Variants in PREX2 observed in about 807,000 individuals in gnomAD.
The protein encoded by PREX2 is phosphatidylinositol-3,4,5-trisphosphate dependent Rac exchange factor 2, also known as phosphatidylinositol 3,4,5-trisphosphate-dependent Rac exchanger 2 protein.
A neutral mutation model predicts 203.2 loss-of-function variants in PREX2; 107 were observed. That is an observed-to-expected ratio of 0.53 (90% CI 0.45 to 0.62). The LOEUF is 0.62. Among genes scored for constraint, PREX2 ranks in the 20% least tolerant of loss-of-function variants. PREX2 has a pLI of 0.00. For synonymous variants in PREX2, 672 were observed against 663.6 expected (o/e 1.01, Z -0.19); for missense variants, 1,777 against 1,955.9 (o/e 0.91, Z 1.72).
At position 68,044,522 on chromosome 8, in the gene PREX2, A is replaced by G. The variant is rs755646976; in HGVS notation, c.875A>G (p.His292Arg). 72 of 1,612,752 alleles carry G rather than the reference A, an allele frequency of 4.5e-5. No homozygotes were observed. The highest frequency in any genetic ancestry group is 5.9e-5 in the Non-Finnish European group (69 of 1,179,226). ...LKNSKASTDG[H>R]RYLFRGRINT... ...AACAGCAAGGCATCTACAGATGGACATCGGTACCTTTTTCGTGGCCGGATC... is the reference window on the plus strand; with the variant it reads ...AACAGCAAGGCATCTACAGATGGACGTCGGTACCTTTTTCGTGGCCGGATC... The change falls in exon 8 of 40, where the codon CAT becomes CGT. Residue 292 changes from histidine to arginine, a missense_variant. Physicochemically the swap from His to Arg is conservative, Grantham distance 29. Transcript: ENST00000288368.
At chr8:68,006,542 C>T (rs1807101427) in intron 1 of PREX2, among the ~76,000 whole-genome samples, 1 of 152,160 alleles carries the variant, frequency 6.6e-6, no homozygotes, top group Non-Finnish European at 1.5e-5. Flanking sequence ...TACTATATGT[C>T]ATCTCCCTAG....
At chr8:68,059,121 T>C (rs1440265619) in intron 10 of PREX2, among the ~76,000 whole-genome samples, 1 of 152,234 alleles carries the variant, frequency 6.6e-6, no homozygotes, top group Non-Finnish European at 1.5e-5. Flanking sequence ...AATAATTTCC[T>C]GATGCAGTCC....
At chr8:68,101,556 A>T in intron 23 of PREX2, 1 of 467,884 alleles carries the variant, frequency 2.1e-6, no homozygotes, top group Admixed American at 2.5e-5. Context: ...TTCTTTTCTT[A>T]CTTCTCCTTT....
At chr8:68,017,325 A>G (rs1807435215) in intron 1 of PREX2, among the ~76,000 whole-genome samples, 1 of 152,202 alleles carries the variant, frequency 6.6e-6, no homozygotes, top group African/African-American at 2.4e-5. Context: ...AAATTCTTTC[A>G]TTCCTTCTTG....
intron 7 of PREX2, among the ~76,000 whole-genome samples, chr8:68,040,265 A>G (rs1808158357): frequency 6.6e-6 from 1 of 152,072 alleles, no homozygotes; most frequent in Non-Finnish European, 1.5e-5. Flanking sequence ...GGCCACAAGA[A>G]TCCTCCCATC....
At chr8:68,113,880 T>A (rs753184819) in intron 25 of PREX2, among the ~76,000 whole-genome samples, 3 of 152,186 alleles carry the variant, frequency 2.0e-5, no homozygotes, top group Non-Finnish European at 4.4e-5. Context: ...TGGTTGGTTT[T>A]TGAGACAGTC....
chr8:68,060,173 C>T (rs1808806031), intron 10 of PREX2, among the ~76,000 whole-genome samples: 2 of 152,168 alleles, frequency 1.3e-5, no homozygotes, highest in South Asian at 4.1e-4. Flanking sequence ...ATCCTACCTA[C>T]CACATGGTAC....
intron 19 of PREX2, among the ~76,000 whole-genome samples, chr8:68,088,270 T>C (rs1027209806): frequency 6.6e-6 from 1 of 152,176 alleles, no homozygotes; most frequent in Non-Finnish European, 1.5e-5. Context: ...TTCAATAATT[T>C]TAGTGACTAA....
intron 35 of PREX2, among the ~76,000 whole-genome samples, chr8:68,169,680 T>C (rs1811835902): frequency 6.6e-6 from 1 of 152,152 alleles, no homozygotes; most frequent in South Asian, 2.1e-4. Context: ...ATCAAAGACA[T>C]TTTCTCTTTA....
At chr8:68,063,410 TA>T (rs1256471839) in intron 11 of PREX2, among the ~76,000 whole-genome samples, 1 of 151,900 alleles carries the variant, frequency 6.6e-6, no homozygotes, top group South Asian at 2.1e-4. Context: ...TACAGGCTAT[TA>T]AAAAAACACA....
rs1160370870 is a variant in PREX2, at chr8:68,235,025, A to G, written c.*3647A>G. ...TATTTTCAGTCCTTTGGGCTTGTAC[A>G]TTTTATAGACAAAATTAGCATTTAT... is the stretch of plus-strand genomic sequence containing the variant. On this transcript the variant is annotated 3_prime_UTR_variant, in exon 40 of 40. Transcript: ENST00000288368. 3 of 152,142 alleles carry G rather than the reference A, an allele frequency of 2.0e-5. No homozygotes were observed. The highest frequency in any genetic ancestry group is 4.4e-5 in the Non-Finnish European group (3 of 68,006). The allele number at this position is 152,142 out of a possible 1,614,324, so 9.4% of individuals were successfully genotyped here.
chr8:68,056,150 T>A (rs566361437), intron 10 of PREX2, among the ~76,000 whole-genome samples, 176 bp downstream of exon 10: 1 of 152,186 alleles, frequency 6.6e-6, no homozygotes, highest in African/African-American at 2.4e-5. Context: ...AGAGCCAGGA[T>A]CATGACCAGG....
At chr8:68,070,007 T>C (rs879487802) in intron 13 of PREX2, 123 bp downstream of exon 13, 2 of 487,322 alleles carry the variant, frequency 4.1e-6, no homozygotes, top group Non-Finnish European at 7.2e-6. Context: ...CTTTAAAATA[T>C]TATTTTAAGG....
intron 33 of PREX2, among the ~76,000 whole-genome samples, chr8:68,140,760 A>G (rs1010530490): frequency 6.6e-6 from 1 of 152,042 alleles, no homozygotes; most frequent in Admixed American, 6.6e-5. Context: ...TATTTGAAAG[A>G]CTCTAGCATT....
chr8:68,087,834 A>G, intron 19 of PREX2, 25 bp downstream of exon 19: 8 of 1,516,002 alleles, frequency 5.3e-6, no homozygotes, highest in Non-Finnish European at 6.4e-6. Context: ...TTGCAGGGAA[A>G]CAGCTTTCCA....
At position 68,190,814 on chromosome 8, in the gene PREX2, A is replaced by G. The variant is rs375846136; in HGVS notation, c.4347-908A>G. Reference sequence around the variant, plus strand: ...ACTGTATACATTTTACCATCACTAAAAAAAATAGATACTAGATCAAATAAA... The same window carrying G: ...ACTGTATACATTTTACCATCACTAAGAAAAATAGATACTAGATCAAATAAA... On this transcript the variant is annotated intron_variant, in intron 35 of 39. Transcript: ENST00000288368. Among the ~76,000 whole-genome samples, 66 of 152,106 alleles carry G rather than the reference A, an allele frequency of 4.3e-4. 2 individuals are homozygous for G. The South Asian group carries it at 0.013, about 31-fold the overall frequency.
intron 1 of PREX2, among the ~76,000 whole-genome samples, chr8:68,011,716 C>T (rs1357219299): frequency 1.3e-5 from 2 of 152,098 alleles, no homozygotes; most frequent in Non-Finnish European, 2.9e-5. Context: ...CCTACCTCTA[C>T]TGTTTTTGAC....
At chr8:68,114,322 C>T (rs1810598824) in intron 25 of PREX2, 1 of 508,758 alleles carries the variant, frequency 2.0e-6, no homozygotes, top group South Asian at 1.4e-5. Flanking sequence ...TCGTCACCGT[C>T]TTGAAATAAC....
At chr8:68,150,843 G>A (rs1039111711) in intron 34 of PREX2, among the ~76,000 whole-genome samples, 16 of 152,182 alleles carry the variant, frequency 1.1e-4, no homozygotes, top group Non-Finnish European at 1.8e-4. Context: ...AGTTCTGAAG[G>A]TCAGAAGTTG....
Sources: gnomAD v4.1 joint callset for allele counts (sites outside exome capture counted in the v4.1 genomes callset) on GRCh38, gnomAD v4.1.1 for gene constraint, MANE v1.5 for transcripts, NCBI Gene and HGNC (gene_info 2026-07-23, HGNC 2026-07-21) for gene names.